PCTP: variants seen among roughly 807,000 people sequenced by gnomAD.
PCTP encodes the protein START domain-containing protein 2.
In PCTP, 27 loss-of-function variants were observed where a neutral mutation model predicts 31.0. That is an observed-to-expected ratio of 0.87 (90% CI 0.64 to 1.20). The LOEUF is 1.20. Among genes scored for constraint, PCTP ranks in the 50% most tolerant of loss-of-function variants. The pLI, the probability that PCTP is intolerant of heterozygous loss-of-function variation, is 0.00. For missense variants in PCTP, 287 were observed against 268.2 expected, an observed-to-expected ratio of 1.07 and a Z score of -0.49; for synonymous variants, 108 against 101.2, an observed-to-expected ratio of 1.07 and a Z score of -0.40.
chr17:55,795,577 T>G (rs1440522793), intron 3 of PCTP, among the ~76,000 whole-genome samples: 1 of 152,044 alleles, frequency 6.6e-6, no homozygotes, highest in African/African-American at 2.4e-5. Flanking sequence ...GAAGGGAGCG[T>G]GACAGATTGA....
At chr17:55,774,723 C>A in intron 4 of PCTP, 69 bp from the exon 5 acceptor site, 3 of 1,263,030 alleles carry the variant, frequency 2.4e-6, no homozygotes, top group Non-Finnish European at 3.5e-6. Context: ...ATAAAGTTTG[C>A]ACAGTTTTGT....
intron 1 of PCTP, among the ~76,000 whole-genome samples, chr17:55,756,753 A>G (rs529360053): frequency 6.6e-6 from 1 of 152,004 alleles, no homozygotes; most frequent in African/African-American, 2.4e-5. Context: ...ATATATGTAT[A>G]TATATATTTA....
chr17:55,766,801 G>A (rs1490120869), intron 1 of PCTP, among the ~76,000 whole-genome samples: 1 of 151,754 alleles, frequency 6.6e-6, no homozygotes, highest in African/African-American at 2.4e-5. Flanking sequence ...TGGGTCAAAT[G>A]GTATTTCTAG....
intron 1 of PCTP, among the ~76,000 whole-genome samples, chr17:55,757,233 T>C (rs561986386): frequency 1.3e-5 from 2 of 150,592 alleles, no homozygotes; most frequent in African/African-American, 2.5e-5. Flanking sequence ...TATACACATA[T>C]ATACATGTAT....
At chr17:55,773,965 GA>G (rs1410049301) in intron 4 of PCTP, 70 bp downstream of exon 4, 33 of 1,472,448 alleles carry the variant, frequency 2.2e-5, no homozygotes, top group Middle Eastern at 1.9e-4. Context: ...CTGATGGGGG[GA>G]CATGTCGAGT....
chr17:55,847,291 C>T (rs1906170698), downstream of PCTP, among the ~76,000 whole-genome samples: 1 of 152,222 alleles, frequency 6.6e-6, no homozygotes, highest in Non-Finnish European at 1.5e-5. Context: ...GGGATTCAAT[C>T]TGACATGACC....
chr17:55,851,900 A>G, the PCTP span, among the ~76,000 whole-genome samples: 1 of 152,086 alleles, frequency 6.6e-6, no homozygotes, highest in Admixed American at 6.5e-5. Flanking sequence ...TCTTGATCTC[A>G]TCTCCCTGCC....
chr17:55,757,789 G>A (rs1310063228), intron 1 of PCTP, among the ~76,000 whole-genome samples: 2 of 152,146 alleles, frequency 1.3e-5, no homozygotes, highest in African/African-American at 4.8e-5. Flanking sequence ...TGGTGCTGAG[G>A]CAGTTCTGAC....
chr17:55,757,447 G>GAC (rs72053094), intron 1 of PCTP, among the ~76,000 whole-genome samples: 10,925 of 144,910 alleles, frequency 0.075, 410 homozygotes, highest in African/African-American at 0.12. Flanking sequence ...AGGAAACTGA[G>GAC]ACACACACAC....
At chr17:55,804,239 A>C (rs1912499291) in intron 3 of PCTP, among the ~76,000 whole-genome samples, 1 of 152,230 alleles carries the variant, frequency 6.6e-6, no homozygotes, top group Non-Finnish European at 1.5e-5. Flanking sequence ...GATGTGGAGA[A>C]ATAGGAATGC....
chr17:55,758,160 T>G (rs555604482), intron 1 of PCTP, among the ~76,000 whole-genome samples: 1 of 152,206 alleles, frequency 6.6e-6, no homozygotes, highest in Non-Finnish European at 1.5e-5. Flanking sequence ...AATGTTGGAC[T>G]GAAAAGCTCT....
downstream of PCTP, among the ~76,000 whole-genome samples, chr17:55,843,157 T>C (rs1306533850): frequency 6.6e-6 from 1 of 152,170 alleles, no homozygotes; most frequent in African/African-American, 2.4e-5. Context: ...ATATTAATGA[T>C]GTGTAATAAG....
At chr17:55,763,975 G>A (rs527433563) in intron 1 of PCTP, among the ~76,000 whole-genome samples, 18 of 152,154 alleles carry the variant, frequency 1.2e-4, no homozygotes, top group Non-Finnish European at 2.5e-4. Context: ...GCTCAGTTCT[G>A]CCTCGAAGGG....
At chr17:55,799,034 A>G (rs1175942592) in intron 3 of PCTP, among the ~76,000 whole-genome samples, 2 of 151,880 alleles carry the variant, frequency 1.3e-5, no homozygotes, top group Admixed American at 6.6e-5. Flanking sequence ...TCAAGGATAT[A>G]CATTAAAGAA....
downstream of PCTP, among the ~76,000 whole-genome samples, chr17:55,845,085 C>CAA (rs891404386): frequency 0.038 from 1,241 of 32,502 alleles, 196 homozygotes; most frequent in African/African-American, 0.065. Flanking sequence ...AAAACTCCAT[C>CAA]AAAAAAAAAA....
chr17:55,753,415 A>G (rs1909820161), intron 1 of PCTP, among the ~76,000 whole-genome samples: 1 of 152,226 alleles, frequency 6.6e-6, no homozygotes, highest in Admixed American at 6.5e-5. Flanking sequence ...CTTATAATTC[A>G]GGTGCTAAGT....
intron 3 of PCTP, among the ~76,000 whole-genome samples, chr17:55,789,227 G>A (rs989912353): frequency 2.0e-5 from 3 of 152,052 alleles, no homozygotes; most frequent in African/African-American, 7.2e-5. Flanking sequence ...TCAGAATTAA[G>A]TGGTGAGTAC....
rs1911126903 is a variant in PCTP, at chr17:55,773,567, G to A, written c.340-157G>A. The A allele has an allele frequency of 4.8e-6, 3 of 631,236 alleles. No homozygotes were observed. In the Admixed American group the frequency reaches 8.6e-5, roughly 18 times the overall value. The allele number at this position is 631,236 out of a possible 1,614,324, so 39.1% of individuals were successfully genotyped here. On this transcript the variant is annotated intron_variant, in intron 3 of 5. Transcript: ENST00000268896. ...GTGTGAGGCACAGTCTTGCAGTGCA[G>A]GTATGGAGACAGGGCACGTCAGTGA...
intron 3 of PCTP, among the ~76,000 whole-genome samples, chr17:55,787,836 G>A (rs1911806267): frequency 6.6e-6 from 1 of 152,042 alleles, no homozygotes; most frequent in African/African-American, 2.4e-5. Flanking sequence ...TTCCTTTAAT[G>A]ATCATAATGT....
Sources: allele counts gnomAD v4.1 joint callset (sites outside exome capture counted in the v4.1 genomes callset), GRCh38; gene constraint gnomAD v4.1.1; transcripts MANE v1.5; gene names NCBI Gene and HGNC (gene_info 2026-07-23, HGNC 2026-07-21).